The following OXR1 variants were observed in gnomAD, a reference collection of about 807,000 sequenced individuals.
The protein encoded by OXR1 is oxidation resistance 1.
A neutral mutation model predicts 104.6 loss-of-function variants in OXR1; 41 were observed. That is an observed-to-expected ratio of 0.39 (90% CI 0.31 to 0.51). The LOEUF is 0.51. OXR1 is among the 20% of genes least tolerant of loss of function. OXR1 has a pLI of 0.77. For synonymous variants in OXR1, 348 were observed against 348.4 expected, an observed-to-expected ratio of 1.00 and a Z score of 0.01; for missense variants, 955 against 1,031.9, an observed-to-expected ratio of 0.93 and a Z score of 1.02.
chr8:106,745,994 G>C (rs1835365734), intron 16 of OXR1, 132 bp downstream of exon 16: 2 of 557,464 alleles, frequency 3.6e-6, no homozygotes, highest in African/African-American at 3.8e-5. Context: ...GAAAAAGAGA[G>C]TATAATGTAT....
At chr8:106,420,528 A>T (rs566518110) in intron 2 of OXR1, among the ~76,000 whole-genome samples, 1 of 151,946 alleles carries the variant, frequency 6.6e-6, no homozygotes, top group Non-Finnish European at 1.5e-5. Context: ...AAACTCCCAA[A>T]TCTGTATACT....
intron 1 of OXR1, among the ~76,000 whole-genome samples, chr8:106,323,077 A>G (rs80131226): frequency 0.024 from 3,668 of 152,286 alleles, 54 homozygotes; most frequent in South Asian, 0.096. Context: ...GAGCCTCAAT[A>G]GCCAAGGCAA....
chr8:106,629,823 G>A (rs185140514), intron 3 of OXR1, among the ~76,000 whole-genome samples: 1 of 152,212 alleles, frequency 6.6e-6, no homozygotes, highest in Admixed American at 6.5e-5. Flanking sequence ...AAAAAAACTT[G>A]TGTGGTAGGA....
intron 2 of OXR1, among the ~76,000 whole-genome samples, chr8:106,460,261 A>C (rs921907093): frequency 6.6e-6 from 1 of 152,212 alleles, no homozygotes; most frequent in African/African-American, 2.4e-5. Flanking sequence ...GTAAAGACTT[A>C]CATTACACCA....
chr8:106,731,076 A>G (rs1269256328), intron 11 of OXR1, among the ~76,000 whole-genome samples: 2 of 152,156 alleles, frequency 1.3e-5, no homozygotes, highest in African/African-American at 4.8e-5. Context: ...ATAGATGTGT[A>G]GTGATATCTC....
At chr8:106,280,130 A>C (rs541851691) in intron 1 of OXR1, among the ~76,000 whole-genome samples, 2 of 152,336 alleles carry the variant, frequency 1.3e-5, no homozygotes, top group East Asian at 3.9e-4. Flanking sequence ...GGCACATTAG[A>C]CTGATGTCCA....
intron 2 of OXR1, among the ~76,000 whole-genome samples, chr8:106,450,932 T>C (rs556171528): frequency 1.6e-3 from 244 of 152,286 alleles, no homozygotes; most frequent in African/African-American, 5.7e-3. Flanking sequence ...TTGCTAATTT[T>C]GTAGTATTCT....
At chr8:106,499,168 CA>C (rs71307063) in intron 2 of OXR1, among the ~76,000 whole-genome samples, 49 of 7,700 alleles carry the variant, frequency 6.4e-3, no homozygotes, top group East Asian at 0.05. Flanking sequence ...GACTCCGTCT[CA>C]AAAAAAAAAA....
intron 11 of OXR1, among the ~76,000 whole-genome samples, chr8:106,719,552 T>A (rs1329865411): frequency 6.6e-6 from 1 of 152,188 alleles, no homozygotes; most frequent in Non-Finnish European, 1.5e-5. Context: ...ATGCTGCAGT[T>A]AGTTAAAATA....
intron 3 of OXR1, among the ~76,000 whole-genome samples, chr8:106,608,276 C>T (rs1356379358): frequency 2.0e-5 from 3 of 151,934 alleles, no homozygotes; most frequent in Admixed American, 2.0e-4. Context: ...GGTTACAGAG[C>T]GAGACCCTGT....
At chr8:106,667,514 T>G (rs566107919) in intron 3 of OXR1, among the ~76,000 whole-genome samples, 1 of 152,124 alleles carries the variant, frequency 6.6e-6, no homozygotes, top group Non-Finnish European at 1.5e-5. Context: ...CAATGAAAAG[T>G]TCCTAAAAGG....
chr8:106,590,968 G>T (rs1045076694), intron 3 of OXR1, among the ~76,000 whole-genome samples: 2 of 152,064 alleles, frequency 1.3e-5, no homozygotes, highest in Non-Finnish European at 2.9e-5. Flanking sequence ...CACATTTTGA[G>T]ATAAGTACAT....
intron 1 of OXR1, among the ~76,000 whole-genome samples, chr8:106,318,918 A>C (rs1425712614): frequency 2.0e-5 from 3 of 152,172 alleles, no homozygotes; most frequent in African/African-American, 7.2e-5. Context: ...AATGAGGGAG[A>C]AAATATCCAA....
intron 3 of OXR1, among the ~76,000 whole-genome samples, chr8:106,571,796 G>A (rs1187656499): frequency 1.3e-5 from 2 of 152,108 alleles, no homozygotes; most frequent in Non-Finnish European, 2.9e-5. Context: ...AAACACAAGA[G>A]TGGGCAGGCA....
intron 3 of OXR1, among the ~76,000 whole-genome samples, chr8:106,626,046 G>T (rs986544624): frequency 6.8e-6 from 1 of 147,948 alleles, no homozygotes; most frequent in Non-Finnish European, 1.5e-5. Flanking sequence ...TCTGCGTTTT[G>T]TGTGTGTGTG....
chr8:106,679,571 G>A (rs1445702875), intron 4 of OXR1, among the ~76,000 whole-genome samples: 1 of 151,864 alleles, frequency 6.6e-6, no homozygotes, highest in Non-Finnish European at 1.5e-5. Context: ...ATTAGGTTAG[G>A]CTTTTAGGAA....
rs1469905191 is a variant in OXR1 at position 106,496,263 on chromosome 8, T to C, written c.24-22680T>C. Among the ~76,000 whole-genome samples, 4 of 152,184 alleles carry C rather than the reference T, an allele frequency of 2.6e-5. No homozygotes were observed. The East Asian group carries it at 7.7e-4, about 29-fold the overall frequency. On this transcript the variant is annotated intron_variant, in intron 2 of 16. Transcript: ENST00000517566. ...TTCTCAGTTCCAATCCGAGTGTTACTGAACCAGAAACTCTGGGAGCAGGAC... is the reference window on the plus strand; with the variant it reads ...TTCTCAGTTCCAATCCGAGTGTTACCGAACCAGAAACTCTGGGAGCAGGAC...
chr8:106,369,699 A>G (rs1293618075), intron 2 of OXR1, among the ~76,000 whole-genome samples: 1 of 152,126 alleles, frequency 6.6e-6, no homozygotes, highest in Non-Finnish European at 1.5e-5. Flanking sequence ...TGAAGATCAG[A>G]TGGTTGTAGA....
chr8:106,654,430 GA>G (rs1165563189), intron 3 of OXR1, among the ~76,000 whole-genome samples: 1 of 151,980 alleles, frequency 6.6e-6, no homozygotes, highest in African/African-American at 2.4e-5. Context: ...GACAATGGGG[GA>G]AAAATCATCT....
Sources: gnomAD v4.1 joint callset for allele counts (sites outside exome capture counted in the v4.1 genomes callset) on GRCh38, gnomAD v4.1.1 for gene constraint, MANE v1.5 for transcripts, NCBI Gene and HGNC (gene_info 2026-07-23, HGNC 2026-07-21) for gene names.